Variants in DCP1A observed in about 807,000 individuals in gnomAD.
DCP1A encodes the protein mRNA-decapping enzyme 1A.
A neutral mutation model predicts 58.0 loss-of-function variants in DCP1A; 20 were observed. That is an observed-to-expected ratio of 0.34 (90% CI 0.24 to 0.50). The LOEUF (loss-of-function observed/expected upper bound fraction) is 0.50. Ranked by LOEUF, DCP1A falls within the 20% of genes least tolerant of loss-of-function variation. The pLI is 0.98. For synonymous variants in DCP1A, 285 were observed against 275.1 expected, an observed-to-expected ratio of 1.04 and a Z score of -0.36; for missense variants, 613 against 712.2, an observed-to-expected ratio of 0.86 and a Z score of 1.59.
chr3:53,296,126 C>T (rs1186980184), intron 6 of DCP1A, among the ~76,000 whole-genome samples: 1 of 152,110 alleles, frequency 6.6e-6, no homozygotes, highest in African/African-American at 2.4e-5. Flanking sequence ...TTCTTCTGAC[C>T]TCAGGTGATC....
At chr3:53,338,116 A>T (rs1553692135) in intron 3 of DCP1A, 1 of 440,926 alleles carries the variant, frequency 2.3e-6, no homozygotes, top group Non-Finnish European at 4.6e-6. Context: ...GCAGATTCCT[A>T]AACAGCTCTG....
chr3:53,289,581 C>T (rs1434521204), intron 8 of DCP1A, among the ~76,000 whole-genome samples: 1 of 149,584 alleles, frequency 6.7e-6, no homozygotes, highest in Non-Finnish European at 1.5e-5. Flanking sequence ...CACTGCACTC[C>T]AGCCTGGGCA....
At position 53,288,243 on chromosome 3, in the gene DCP1A, A is replaced by G; in HGVS notation, c.1490T>C (p.Val497Ala). ...ACTTGGGGCCAGCAGGACTGAAGACACTGCAGTGGTCGTTGCAGTAACCAG... is the reference window on the plus strand; with the variant it reads ...ACTTGGGGCCAGCAGGACTGAAGACGCTGCAGTGGTCGTTGCAGTAACCAG... ...APLVTATTTAVSSVLLAPSVF... is the reference protein window; with the variant it reads ...APLVTATTTAASSVLLAPSVF... Residue 497 changes from valine (V) to alanine (A), a missense_variant, in exon 9 of 10, where the codon GTG becomes GCG. By Grantham distance (64) the Val-to-Ala change is moderately conservative. Transcript: ENST00000610213. The G allele has an allele frequency of 6.2e-7, 1 of 1,613,698 alleles. No individual in the cohort carries two copies. Among genetic ancestry groups the G allele is most frequent in the Non-Finnish European group, 8.5e-7 (1 of 1,179,754 alleles).
At chr3:53,343,863 G>C (rs994509321) in intron 2 of DCP1A, among the ~76,000 whole-genome samples, 4 of 152,086 alleles carry the variant, frequency 2.6e-5, no homozygotes, top group Non-Finnish European at 5.9e-5. Context: ...CGCCCACCTC[G>C]GCCTCCCAAA....
intron 6 of DCP1A, among the ~76,000 whole-genome samples, chr3:53,300,231 T>C (rs188728387): frequency 1.3e-5 from 2 of 152,312 alleles, no homozygotes; most frequent in East Asian, 1.9e-4. Context: ...GCACTGTCTG[T>C]ACCACTTGAG....
chr3:53,328,808 A>G (rs577949348), intron 3 of DCP1A, among the ~76,000 whole-genome samples: 4 of 152,308 alleles, frequency 2.6e-5, no homozygotes, highest in African/African-American at 9.6e-5. Context: ...TTTCGTGGTG[A>G]TTTTACCTCT....
chr3:53,321,245 T>C (rs1228137544), intron 3 of DCP1A, among the ~76,000 whole-genome samples: 9 of 152,218 alleles, frequency 5.9e-5, no homozygotes, highest in African/African-American at 2.2e-4. Context: ...GTTCTCCAGA[T>C]TGTCTGTTGT....
intron 6 of DCP1A, among the ~76,000 whole-genome samples, chr3:53,294,943 C>T (rs1707067791): frequency 6.6e-6 from 1 of 152,208 alleles, no homozygotes; most frequent in African/African-American, 2.4e-5. Context: ...ATGGCACCAC[C>T]ACCCAGGACC....
chr3:53,342,680 G>A (rs1297704508), intron 2 of DCP1A, among the ~76,000 whole-genome samples: 1 of 152,142 alleles, frequency 6.6e-6, no homozygotes. Flanking sequence ...TCTCCTCCAA[G>A]CCTTTGTTCA....
At chr3:53,332,858 A>C (rs1489729273) in intron 3 of DCP1A, among the ~76,000 whole-genome samples, 2 of 139,732 alleles carry the variant, frequency 1.4e-5, no homozygotes, top group South Asian at 2.2e-4. Context: ...ACTCCGTTTC[A>C]AAAAAAAAAA....
intron 6 of DCP1A, among the ~76,000 whole-genome samples, chr3:53,298,465 C>T (rs1327634383): frequency 6.6e-6 from 1 of 152,162 alleles, no homozygotes; most frequent in Non-Finnish European, 1.5e-5. Context: ...AATCATCATA[C>T]ACAGAATGCT....
intron 8 of DCP1A, among the ~76,000 whole-genome samples, chr3:53,289,179 T>C (rs1553685625): frequency 6.6e-6 from 1 of 151,266 alleles, no homozygotes; most frequent in African/African-American, 2.4e-5. Context: ...CAGGATGGTC[T>C]TGAACTCCTG....
chr3:53,320,491 C>T (rs1465443469), intron 3 of DCP1A, among the ~76,000 whole-genome samples: 1 of 152,160 alleles, frequency 6.6e-6, no homozygotes, highest in East Asian at 1.9e-4. Flanking sequence ...CCTTGTACCT[C>T]CTTAAATACT....
chr3:53,306,216 A>C, intron 5 of DCP1A, among the ~76,000 whole-genome samples: 1 of 152,122 alleles, frequency 6.6e-6, no homozygotes, highest in East Asian at 1.9e-4. Context: ...TCAGAACATC[A>C]TTTACTCAGT....
At chr3:53,345,090 C>T (rs2089276320) in intron 1 of DCP1A, 148 bp from the exon 2 acceptor site, 1 of 616,276 alleles carries the variant, frequency 1.6e-6, no homozygotes, top group Non-Finnish European at 2.8e-6. Flanking sequence ...GTAAAGTCTC[C>T]CTCTCATTCC....
At chr3:53,315,325 G>A (rs907415768) in intron 4 of DCP1A, among the ~76,000 whole-genome samples, 22 of 151,984 alleles carry the variant, frequency 1.4e-4, no homozygotes, top group African/African-American at 4.8e-4. Flanking sequence ...GGATCATGAG[G>A]TCAGGAGTTC....
intron 4 of DCP1A, among the ~76,000 whole-genome samples, chr3:53,317,610 G>T (rs1248655679): frequency 1.3e-5 from 2 of 152,108 alleles, no homozygotes; most frequent in African/African-American, 4.8e-5. Context: ...CAATTACTTG[G>T]GAGGCTAAGG....
At chr3:53,322,341 A>C (rs1707991739) in intron 3 of DCP1A, among the ~76,000 whole-genome samples, 1 of 151,770 alleles carries the variant, frequency 6.6e-6, no homozygotes, top group Non-Finnish European at 1.5e-5. Flanking sequence ...AATTCCAGCT[A>C]CTCGGGAGGC....
rs1706972222 is a variant in DCP1A, at chr3:53,292,844, AC to A, written c.625-18del. On this transcript the variant is annotated intron_variant, in intron 6 of 9. Coordinates refer to ENST00000610213, the MANE Select transcript of DCP1A (RefSeq NM_018403.7). ...TGGAGCAGACTGAAAAACAAATGAA[AC>A]CACCCAGTCAAAGAGGTCTGTTATA... The A allele has an allele frequency of 6.3e-7, 1 of 1,588,474 alleles. No individual in the cohort carries two copies. The highest frequency in any genetic ancestry group is 1.3e-5 in the African/African-American group (1 of 74,140).
Sources: allele counts gnomAD v4.1 joint callset (sites outside exome capture counted in the v4.1 genomes callset), GRCh38; gene constraint gnomAD v4.1.1; transcripts MANE v1.5; gene names NCBI Gene and HGNC (gene_info 2026-07-23, HGNC 2026-07-21).